Variants in TBL1X observed in about 807,000 individuals in gnomAD.
TBL1X encodes transducin beta like 1 X-linked, also known as F-box-like/WD repeat-containing protein TBL1X.
TBL1X carries 10 observed loss-of-function variants against 50.7 expected under a neutral mutation model. The observed-to-expected ratio is 0.20, with a 90% CI of 0.12 to 0.33. The LOEUF (loss-of-function observed/expected upper bound fraction) is 0.33, where lower values mean the gene tolerates loss of function less well. Ranked by LOEUF, TBL1X falls within the 10% of genes least tolerant of loss-of-function variation. The pLI, the probability that TBL1X is intolerant of heterozygous loss-of-function variation, is 1.00. For synonymous variants in TBL1X, 190 were observed against 214.7 expected (o/e 0.88, Z 1.01); for missense variants, 340 against 504.4 (o/e 0.67, Z 3.12).
At chrX:9,655,988 A>G (rs1422483584) in intron 5 of TBL1X, among the ~76,000 whole-genome samples, 1 of 112,932 alleles carries the variant, frequency 8.9e-6, no homozygotes, top group Admixed American at 9.3e-5. Flanking sequence ...GCTCCCAGCT[A>G]GTGTTATTCA....
chrX:9,608,381 GTTGT>G (rs1004908191), intron 2 of TBL1X, among the ~76,000 whole-genome samples: 3 of 111,855 alleles, frequency 2.7e-5, no homozygotes, highest in Admixed American at 9.5e-5. Context: ...CTTCCTGGAG[GTTGT>G]TTATTTCGGT....
At chrX:9,668,368 A>G (rs1364346306) in intron 5 of TBL1X, among the ~76,000 whole-genome samples, 10 of 106,726 alleles carry the variant, frequency 9.4e-5, no homozygotes, top group Admixed American at 2.0e-4. Flanking sequence ...GTGCCATTGG[A>G]ATAGGAAAAA....
At chrX:9,539,816 C>T (rs992897834) in intron 2 of TBL1X, among the ~76,000 whole-genome samples, 1 of 112,032 alleles carries the variant, frequency 8.9e-6, no homozygotes, top group Admixed American at 9.5e-5. Context: ...CCACTCCACC[C>T]CCTTCATTAT....
At chrX:9,539,517 G>A (rs2082204891) in intron 2 of TBL1X, among the ~76,000 whole-genome samples, 1 of 111,689 alleles carries the variant, frequency 9.0e-6, no homozygotes, top group African/African-American at 3.3e-5. Context: ...TCATGGCTAA[G>A]TTCTACTTAT....
intron 2 of TBL1X, among the ~76,000 whole-genome samples, chrX:9,545,000 C>CTTTTTTTT (rs34726098): frequency 8.4e-5 from 6 of 71,754 alleles, no homozygotes; most frequent in Admixed American, 1.7e-4. Context: ...TTTCCCCCCA[C>CTTTTTTTT]TTTTTTTTTT....
intron 5 of TBL1X, among the ~76,000 whole-genome samples, chrX:9,656,803 G>C (rs1266436581): frequency 8.9e-6 from 1 of 112,332 alleles, no homozygotes; most frequent in Non-Finnish European, 1.9e-5. Context: ...ACTTAATGTT[G>C]AAATGTTCAT....
chrX:9,706,372 C>T (rs2083207759), intron 13 of TBL1X, among the ~76,000 whole-genome samples: 1 of 111,414 alleles, frequency 9.0e-6, no homozygotes, highest in Non-Finnish European at 1.9e-5. Context: ...ACAGAAAAAT[C>T]ATTTGAGGCA....
chrX:9,513,062 G>A (rs2082064342), intron 2 of TBL1X, among the ~76,000 whole-genome samples: 1 of 110,755 alleles, frequency 9.0e-6, no homozygotes, highest in Non-Finnish European at 1.9e-5. Context: ...TGTGCATTTT[G>A]AATACAAATG....
At chrX:9,487,768 G>C (rs1398671936) in intron 1 of TBL1X, among the ~76,000 whole-genome samples, 3 of 111,399 alleles carry the variant, frequency 2.7e-5, no homozygotes, top group African/African-American at 9.8e-5. Context: ...TGGGCCTGCA[G>C]GTCTCTCTTG....
At chrX:9,684,410 C>T (rs929315314) in intron 6 of TBL1X, among the ~76,000 whole-genome samples, 1 of 109,491 alleles carries the variant, frequency 9.1e-6, no homozygotes, top group East Asian at 2.9e-4. Flanking sequence ...CATGGTGTAA[C>T]AGCATTTCTA....
At chrX:9,556,776 G>GT (rs767333894) in intron 2 of TBL1X, among the ~76,000 whole-genome samples, 1 of 107,775 alleles carries the variant, frequency 9.3e-6, no homozygotes, top group Non-Finnish European at 1.9e-5. Flanking sequence ...TAAGTTTCTG[G>GT]TTTTTTGTTT....
chrX:9,711,946 C>T (rs1435849500), intron 16 of TBL1X, among the ~76,000 whole-genome samples, 170 bp downstream of exon 16: 1 of 112,480 alleles, frequency 8.9e-6, no homozygotes. Context: ...GCTGTCAGCT[C>T]TTCCCCCACC....
intron 2 of TBL1X, among the ~76,000 whole-genome samples, chrX:9,558,127 A>G (rs1160189742): frequency 8.9e-6 from 1 of 112,565 alleles, no homozygotes; most frequent in African/African-American, 3.2e-5. Context: ...GTCATTCTGT[A>G]TTTTTGCCAT....
intron 2 of TBL1X, among the ~76,000 whole-genome samples, chrX:9,625,878 G>T (rs1182390019): frequency 8.9e-6 from 1 of 112,311 alleles, no homozygotes; most frequent in Admixed American, 9.4e-5. Context: ...GGGGGGCGGA[G>T]GTTACAGTGA....
chrX:9,679,340 G>A (rs1430656845), intron 5 of TBL1X, among the ~76,000 whole-genome samples: 2 of 110,901 alleles, frequency 1.8e-5, no homozygotes, highest in Non-Finnish European at 3.8e-5. Context: ...ACAATGCATG[G>A]GACTGTGTCC....
At chrX:9,584,189 C>A (rs1398930736) in intron 2 of TBL1X, among the ~76,000 whole-genome samples, 1 of 111,863 alleles carries the variant, frequency 8.9e-6, no homozygotes, top group Non-Finnish European at 1.9e-5. Flanking sequence ...GATATCTGAC[C>A]TAGAATTGTC....
At chrX:9,493,864 C>A (rs1029553404) in intron 1 of TBL1X, among the ~76,000 whole-genome samples, 1 of 111,856 alleles carries the variant, frequency 8.9e-6, no homozygotes, top group Non-Finnish European at 1.9e-5. Flanking sequence ...CTGGAAAGAA[C>A]CCTCTCGTGG....
At chrX:9,693,013 T>G (rs1374927402) in intron 9 of TBL1X, 136 bp from the exon 10 acceptor site, 7 of 612,262 alleles carry the variant, frequency 1.1e-5, no homozygotes, top group Non-Finnish European at 1.9e-5. Context: ...CATGGTATTT[T>G]CAATTCTGTC....
intron 2 of TBL1X, among the ~76,000 whole-genome samples, chrX:9,536,255 AT>A (rs57650078): frequency 2.3e-3 from 229 of 97,972 alleles, no homozygotes; most frequent in Admixed American, 2.6e-3. Context: ...AGAATTGAGC[AT>A]TTTTTTTTTT....
Sources: allele counts gnomAD v4.1 joint callset (sites outside exome capture counted in the v4.1 genomes callset), GRCh38; gene constraint gnomAD v4.1.1; transcripts MANE v1.5; gene names NCBI Gene and HGNC (gene_info 2026-07-23, HGNC 2026-07-21).